Variants in MCTP2 observed in about 807,000 individuals in gnomAD.
The protein encoded by MCTP2 is multiple C2 and transmembrane domain-containing protein 2.
In MCTP2, 132 loss-of-function variants were observed where a neutral mutation model predicts 111.6. The ratio of observed to expected loss-of-function variants is 1.18; its 90% CI spans 1.03 to 1.37. The LOEUF is 1.37. Among genes scored for constraint, MCTP2 ranks in the 40% most tolerant of loss-of-function variants. The probability of loss-of-function intolerance (pLI) is 0.00; values close to 1 mark genes in which losing one functional copy is unlikely to be tolerated. For missense variants in MCTP2, 1,183 were observed against 1,067.9 expected (o/e 1.11, Z -1.50); for synonymous variants, 395 against 387.7 (o/e 1.02, Z -0.22).
chr15:94,303,299 GT>G (rs1232310526), intron 2 of MCTP2, among the ~76,000 whole-genome samples: 1 of 151,752 alleles, frequency 6.6e-6, no homozygotes, highest in Admixed American at 6.6e-5. Context: ...GGATTCGGAT[GT>G]TTGAGGGCAG....
chr15:94,273,118 C>G (rs185686147), intron 1 of MCTP2, among the ~76,000 whole-genome samples: 2 of 152,314 alleles, frequency 1.3e-5, no homozygotes, highest in African/African-American at 4.8e-5. Context: ...CTCTCATCCC[C>G]TTTAGTGAGT....
intron 1 of MCTP2, among the ~76,000 whole-genome samples, chr15:94,244,199 C>G (rs1306519982): frequency 1.4e-5 from 2 of 143,320 alleles, no homozygotes; most frequent in Admixed American, 6.8e-5. Flanking sequence ...TGTTTATATA[C>G]ACGTGTATAC....
At chr15:94,377,723 G>A (rs916324663) in intron 12 of MCTP2, among the ~76,000 whole-genome samples, 1 of 152,156 alleles carries the variant, frequency 6.6e-6, no homozygotes, top group African/African-American at 2.4e-5. Context: ...ACCAGTGACT[G>A]TCTAATTTCA....
At position 94,415,620 on chromosome 15, in the gene MCTP2, C is replaced by A. The variant is rs1209654566; in HGVS notation, c.2085+13601C>A. On this transcript the variant is annotated intron_variant, in intron 17 of 22. Transcript: ENST00000357742. ...TAGAAAATAGGTGAACTTTAGGATT[C>A]CCTCGGTGCGTCCCCCCAACCTCAC... is the stretch of plus-strand genomic sequence containing the variant. Among the ~76,000 whole-genome samples, 3 of 152,026 alleles carry A rather than the reference C, an allele frequency of 2.0e-5. No individual in the cohort carries two copies. In the East Asian group the frequency reaches 5.8e-4, roughly 29 times the overall value.
At chr15:94,455,427 G>A (rs2084757709) in intron 19 of MCTP2, among the ~76,000 whole-genome samples, 1 of 151,762 alleles carries the variant, frequency 6.6e-6, no homozygotes, top group African/African-American at 2.4e-5. Context: ...AGTGCTCATA[G>A]ACAGTGTTCT....
intron 4 of MCTP2, among the ~76,000 whole-genome samples, chr15:94,328,327 ACTGTGTTAGCCAGGATGGTCTTG>A (rs2076978321): frequency 6.6e-6 from 1 of 151,630 alleles, no homozygotes; most frequent in Admixed American, 6.6e-5. Flanking sequence ...ACGGGGTTTC[ACTGTGTTAGCCAGGATGGTCTTG>A]ATCTCCTGAC....
At chr15:94,260,311 C>T (rs2073107916) in intron 1 of MCTP2, among the ~76,000 whole-genome samples, 1 of 152,176 alleles carries the variant, frequency 6.6e-6, no homozygotes, top group African/African-American at 2.4e-5. Context: ...CTGCAGTCTA[C>T]CCCCTGAGTC....
intron 4 of MCTP2, among the ~76,000 whole-genome samples, chr15:94,336,655 C>T (rs1435103024): frequency 6.6e-6 from 1 of 150,788 alleles, no homozygotes; most frequent in Non-Finnish European, 1.5e-5. Context: ...GGACTGATGA[C>T]TGGCTGTTAG....
rs180938540 is a variant in MCTP2 at position 94,251,464 on chromosome 15, T to G, written c.-66+19800T>G. 8.3e-4 allele frequency among the ~76,000 whole-genome samples: 126 copies of G among 152,082 alleles called. 1 individual carries two copies. Among genetic ancestry groups the G allele is most frequent in the Non-Finnish European group, 1.2e-3 (79 of 67,988 alleles). ...ACCTCCACCTCCCGGGTTCAAGCAA[T>G]TCTCCTGCCTCGGCCTCCTGAGTAG... On this transcript the variant is annotated intron_variant, in intron 1 of 22. Coordinates refer to ENST00000357742, the MANE Select transcript of MCTP2 (RefSeq NM_001385001.1).
chr15:94,269,601 C>T (rs756149013), intron 1 of MCTP2, among the ~76,000 whole-genome samples: 1 of 152,096 alleles, frequency 6.6e-6, no homozygotes, highest in Non-Finnish European at 1.5e-5. Flanking sequence ...TTATCAGGCT[C>T]CCATATATGT....
At chr15:94,294,188 G>A (rs1019472566) in intron 1 of MCTP2, among the ~76,000 whole-genome samples, 11 of 152,140 alleles carry the variant, frequency 7.2e-5, no homozygotes, top group Non-Finnish European at 1.6e-4. Context: ...AGAATAGAAC[G>A]GTGGTTTGCA....
intron 20 of MCTP2, among the ~76,000 whole-genome samples, chr15:94,461,566 G>A (rs2085210851): frequency 6.6e-6 from 1 of 152,128 alleles, no homozygotes; most frequent in Admixed American, 6.5e-5. Flanking sequence ...TATGGAGTGA[G>A]GGCTCTAACT....
intron 1 of MCTP2, among the ~76,000 whole-genome samples, chr15:94,239,736 C>G (rs1045181698): frequency 6.6e-6 from 1 of 152,130 alleles, no homozygotes; most frequent in African/African-American, 2.4e-5. Context: ...GTAGCTTTGG[C>G]AAAGAATGAG....
chr15:94,330,271 A>G (rs1045284938), intron 4 of MCTP2, among the ~76,000 whole-genome samples: 2 of 152,106 alleles, frequency 1.3e-5, no homozygotes, highest in Admixed American at 1.3e-4. Flanking sequence ...ATTTTTTTCT[A>G]TAAAGGCTGG....
At position 94,290,594 on chromosome 15, in the gene MCTP2, C is replaced by T. The variant is rs576200733; in HGVS notation, c.-65-7607C>T. On this transcript the variant is annotated intron_variant, in intron 1 of 22. Transcript: ENST00000357742. ...AATATAAATGGTCTAAACAAACCAA[C>T]TAAAAGCTAGAGATTGTCAGACTGG... Among the ~76,000 whole-genome samples, 5 of 152,206 alleles carry T rather than the reference C, an allele frequency of 3.3e-5. No homozygotes were observed. In the East Asian group the frequency reaches 9.6e-4, roughly 29 times the overall value.
chr15:94,414,355 G>T (rs2082285181), intron 17 of MCTP2, among the ~76,000 whole-genome samples: 1 of 152,158 alleles, frequency 6.6e-6, no homozygotes, highest in Non-Finnish European at 1.5e-5. Flanking sequence ...AATTACTCAT[G>T]AGGGAGAGGA....
chr15:94,474,161 A>G (rs1361860451), intron 21 of MCTP2, among the ~76,000 whole-genome samples: 2 of 152,138 alleles, frequency 1.3e-5, no homozygotes, highest in Non-Finnish European at 2.9e-5. Flanking sequence ...TGTACTATTT[A>G]GGTTAAAAAA....
chr15:94,239,955 C>A (rs564490624), intron 1 of MCTP2, among the ~76,000 whole-genome samples: 14 of 152,230 alleles, frequency 9.2e-5, no homozygotes, highest in Admixed American at 2.6e-4. Flanking sequence ...ATTTCCTTTC[C>A]AAAGCCACGT....
At chr15:94,473,101 T>G (rs1164220041) in intron 21 of MCTP2, among the ~76,000 whole-genome samples, 3 of 152,070 alleles carry the variant, frequency 2.0e-5, no homozygotes, top group Non-Finnish European at 4.4e-5. Context: ...ATATACTAGA[T>G]TTCCATATTT....
Sources: gnomAD v4.1 joint callset for allele counts (sites outside exome capture counted in the v4.1 genomes callset) on GRCh38, gnomAD v4.1.1 for gene constraint, MANE v1.5 for transcripts, NCBI Gene and HGNC (gene_info 2026-07-23, HGNC 2026-07-21) for gene names.